Variants in ARID1A observed in about 807,000 individuals in gnomAD.
ARID1A encodes the protein AT-rich interaction domain 1A, also known as AT-rich interactive domain-containing protein 1A.
In ARID1A, 20 loss-of-function variants were observed where a neutral mutation model predicts 212.6. The observed-to-expected ratio is 0.09, with a 90% CI of 0.07 to 0.14. The LOEUF is 0.14. Among genes scored for constraint, ARID1A ranks in the 10% least tolerant of loss-of-function variants. The pLI, the probability that ARID1A is intolerant of heterozygous loss-of-function variation, is 1.00. For missense variants in ARID1A, 2,587 were observed against 3,059.0 expected (o/e 0.85, Z 3.64); for synonymous variants, 1,376 against 1,222.1 (o/e 1.13, Z -2.63).
intron 4 of ARID1A, among the ~76,000 whole-genome samples, chr1:26,748,575 TG>T (rs1264731083): frequency 2.0e-5 from 3 of 151,910 alleles, no homozygotes; most frequent in African/African-American, 7.2e-5. Flanking sequence ...TGCTCTTGGC[TG>T]CTGTAACTCA....
intron 1 of ARID1A, among the ~76,000 whole-genome samples, chr1:26,726,165 T>G (rs991422884): frequency 6.8e-6 from 1 of 147,010 alleles, no homozygotes; most frequent in African/African-American, 2.5e-5. Context: ...CTTGGGTTTG[T>G]TTTTTTTTGT....
rs113553273 is a variant in ARID1A, at chr1:26,775,557, G to A, written c.4994-20G>A. 6.8e-6 allele frequency: 11 copies of A among 1,613,416 alleles called. No individual in the cohort carries two copies. In the African/African-American group the frequency reaches 9.3e-5, roughly 14 times the overall value. On this transcript the variant is annotated intron_variant, in intron 18 of 19. Coordinates refer to ENST00000324856, the MANE Select transcript of ARID1A (RefSeq NM_006015.6). Reference sequence around the variant, plus strand: ...GCCAACCTGGGCTTGGTGGATAGACGACATGGAGGTTTATTTCAGGAACCC... The same window carrying A: ...GCCAACCTGGGCTTGGTGGATAGACAACATGGAGGTTTATTTCAGGAACCC...
At position 26,763,682 on chromosome 1, in the gene ARID1A, T is replaced by C. The variant is rs189587767; in HGVS notation, c.2732+397T>C. Among the ~76,000 whole-genome samples, 191 of 152,180 alleles carry C rather than the reference T, an allele frequency of 1.3e-3. 1 individual carries two copies. Among genetic ancestry groups the C allele is most frequent in the Non-Finnish European group, 2.0e-3 (139 of 68,010 alleles). Reference sequence around the variant, plus strand: ...CTATCGGGAGGCTGAGGCAGGAGAATCACTTGAACCCAGGAGGAAGAGGTT... The same window carrying C: ...CTATCGGGAGGCTGAGGCAGGAGAACCACTTGAACCCAGGAGGAAGAGGTT... On this transcript the variant is annotated intron_variant, in intron 8 of 19. Coordinates refer to ENST00000324856, the MANE Select transcript of ARID1A (RefSeq NM_006015.6).
At chr1:26,730,196 A>G (rs539210310) in intron 2 of ARID1A, among the ~76,000 whole-genome samples, 1 of 152,304 alleles carries the variant, frequency 6.6e-6, no homozygotes, top group African/African-American at 2.4e-5. Flanking sequence ...TATTAGGAAA[A>G]CCATTCATAT....
chr1:26,763,955 A>AT lies in ARID1A; in HGVS notation c.2732+678dup, dbSNP rs969196360. Among the ~76,000 whole-genome samples the AT allele has an allele frequency of 5.3e-5, 8 of 151,654 alleles. No individual in the cohort carries two copies. The South Asian group carries it at 1.0e-3, about 20-fold the overall frequency. On this transcript the variant is annotated intron_variant, in intron 8 of 19. Coordinates refer to ENST00000324856, the MANE Select transcript of ARID1A (RefSeq NM_006015.6). Reference sequence around the variant, plus strand: ...AGGCACACACCACCACACCCAGCTAATTTTTTTTATTTTTTATATTTATTT... The same window carrying AT: ...AGGCACACACCACCACACCCAGCTAATTTTTTTTTATTTTTTATATTTATTT...
At chr1:26,722,330 C>G (rs1381448315) in intron 1 of ARID1A, among the ~76,000 whole-genome samples, 1 of 152,178 alleles carries the variant, frequency 6.6e-6, no homozygotes, top group Non-Finnish European at 1.5e-5. Context: ...ACTACAACCT[C>G]TGCCTCCCAG....
Position 26,696,615 on chromosome 1 carries a change from A to G in ARID1A, c.212A>G (p.Lys71Arg). The G allele has an allele frequency of 1.6e-6, 2 of 1,241,106 alleles. No homozygotes were observed. Among genetic ancestry groups the G allele is most frequent in the Non-Finnish European group, 2.0e-6 (2 of 994,920 alleles). The allele number at this position is 1,241,106 out of a possible 1,614,324, so 76.9% of individuals were successfully genotyped here. ...PAVGPPQPLG[K>R]ELQDGAESNG... The stretch of plus-strand genomic sequence containing the variant: ...GTGGGGCCGCCGCAGCCGCTGGGAA[A>G]GGAGCTGCAGGACGGGGCCGAGAGC... The change falls in exon 1 of 20, where the codon AAG (lysine) becomes AGG (arginine). Residue 71 changes from lysine to arginine, a missense_variant. Lys to Arg is a conservative substitution (Grantham distance 26, BLOSUM62 2). Coordinates refer to ENST00000324856, the MANE Select transcript of ARID1A (RefSeq NM_006015.6).
At chr1:26,715,261 A>G (rs1012156001) in intron 1 of ARID1A, among the ~76,000 whole-genome samples, 2 of 152,250 alleles carry the variant, frequency 1.3e-5, no homozygotes, top group African/African-American at 4.8e-5. Flanking sequence ...TTTAGAAACT[A>G]GATCAGAAGA....
chr1:26,737,364 C>T (rs1033805570), intron 4 of ARID1A, among the ~76,000 whole-genome samples: 4 of 152,040 alleles, frequency 2.6e-5, no homozygotes, highest in African/African-American at 4.8e-5. Flanking sequence ...GCAGTCTGCC[C>T]GCCTTGGCTT....
intron 4 of ARID1A, among the ~76,000 whole-genome samples, chr1:26,741,407 C>T (rs1196295985): frequency 1.3e-5 from 2 of 151,984 alleles, no homozygotes; most frequent in Non-Finnish European, 2.9e-5. Context: ...GGAAAGAGCA[C>T]TCTTGAAATG....
intron 6 of ARID1A, among the ~76,000 whole-genome samples, chr1:26,761,897 TC>T (rs1219489263): frequency 6.6e-6 from 1 of 152,138 alleles, no homozygotes; most frequent in Non-Finnish European, 1.5e-5. Flanking sequence ...ATCAAGTCAT[TC>T]ATTTTGGTTT....
At position 26,697,041 on chromosome 1, in the gene ARID1A, A is replaced by C. The variant is rs2124742832; in HGVS notation, c.638A>C (p.Asn213Thr). The change falls in exon 1 of 20, where the codon AAC becomes ACC. Residue 213 changes from asparagine (N) to threonine (T), a missense_variant. Physicochemically the swap from Asn to Thr is moderately conservative, Grantham distance 65. Around this residue, in one of 11 missense-constraint regions of ARID1A, gnomAD observed 735 missense variants for 590.6 expected, o/e 1.24. Transcript: ENST00000324856. ...HDHGFPNHQY[N>T]SYYPNRSAYP... is the part of the protein sequence containing the mutation. ...CACGGCTTCCCCAACCACCAGTACA[A>C]CTCCTACTACCCCAACCGCAGCGCC... 1 of 1,536,176 alleles carries C rather than the reference A, an allele frequency of 6.5e-7. No homozygotes were observed. Among genetic ancestry groups the C allele is most frequent in the Non-Finnish European group, 8.7e-7 (1 of 1,145,780 alleles).
intron 1 of ARID1A, among the ~76,000 whole-genome samples, chr1:26,697,856 G>A (rs2124746259): frequency 6.6e-6 from 1 of 151,566 alleles, no homozygotes; most frequent in South Asian, 2.1e-4. Flanking sequence ...GGGGGTGAGG[G>A]GGTGAGGGGG....
chr1:26,763,389 G>A, intron 8 of ARID1A, 104 bp downstream of exon 8: 2 of 1,308,536 alleles, frequency 1.5e-6, no homozygotes, highest in Non-Finnish European at 2.1e-6. Flanking sequence ...GGGAAAATGG[G>A]TGTGTGTGTA....
intron 1 of ARID1A, among the ~76,000 whole-genome samples, chr1:26,720,021 G>A (rs1384686814): frequency 6.6e-6 from 1 of 150,626 alleles, no homozygotes; most frequent in East Asian, 2.0e-4. Flanking sequence ...GGGAGGCTGA[G>A]GCAGGTGGAT....
intron 1 of ARID1A, among the ~76,000 whole-genome samples, chr1:26,717,738 T>G (rs566116651): frequency 6.6e-6 from 1 of 152,118 alleles, no homozygotes; most frequent in Non-Finnish European, 1.5e-5. Context: ...TGATACATGC[T>G]TGGGAGAAAA....
At chr1:26,704,294 C>T (rs2080366527) in intron 1 of ARID1A, among the ~76,000 whole-genome samples, 1 of 152,126 alleles carries the variant, frequency 6.6e-6, no homozygotes, top group Non-Finnish European at 1.5e-5. Flanking sequence ...TTTGGAAGGT[C>T]ATGTCACCTT....
chr1:26,768,750 G>C (rs1017758715), intron 11 of ARID1A, among the ~76,000 whole-genome samples: 1 of 152,212 alleles, frequency 6.6e-6, no homozygotes, highest in Admixed American at 6.5e-5. Context: ...ACTCAGCCCA[G>C]GAAGCAAACA....
intron 1 of ARID1A, among the ~76,000 whole-genome samples, chr1:26,711,053 C>T (rs191542065): frequency 6.6e-6 from 1 of 151,964 alleles, no homozygotes; most frequent in East Asian, 1.9e-4. Flanking sequence ...CAACTGTCTT[C>T]TGTCTTCTTG....
Sources: allele counts gnomAD v4.1 joint callset (sites outside exome capture counted in the v4.1 genomes callset), GRCh38; gene constraint gnomAD v4.1.1; regional missense constraint gnomAD v4.1.1; transcripts MANE v1.5; gene names NCBI Gene and HGNC (gene_info 2026-07-23, HGNC 2026-07-21).